VPS50: variants seen among roughly 807,000 people sequenced by gnomAD.
VPS50 encodes VPS50 subunit of EARP/GARPII complex, also known as syndetin.
Under a neutral mutation model 139.7 loss-of-function variants are expected in VPS50, and 70 were observed. That is an observed-to-expected ratio of 0.50 (90% CI 0.41 to 0.61). The LOEUF (loss-of-function observed/expected upper bound fraction) is 0.61. Ranked by LOEUF, VPS50 falls within the 20% of genes least tolerant of loss-of-function variation. VPS50 has a pLI of 0.00. For missense variants in VPS50, 921 were observed against 1,133.7 expected (o/e 0.81, Z 2.69); for synonymous variants, 365 against 376.7 (o/e 0.97, Z 0.36).
intron 20 of VPS50, among the ~76,000 whole-genome samples, chr7:93,318,512 A>G (rs951104317): frequency 2.6e-5 from 4 of 152,164 alleles, no homozygotes; most frequent in Non-Finnish European, 5.9e-5. Flanking sequence ...TGGTGTCTCA[A>G]ATTAGTGTAC....
intron 4 of VPS50, among the ~76,000 whole-genome samples, chr7:93,255,331 T>C (rs1340596712): frequency 2.0e-5 from 3 of 152,172 alleles, no homozygotes; most frequent in African/African-American, 4.8e-5. Context: ...ATTCCTTGCA[T>C]GTGCAGTTCA....
At chr7:93,338,804 C>G (rs1798134658) in intron 22 of VPS50, among the ~76,000 whole-genome samples, 1 of 152,248 alleles carries the variant, frequency 6.6e-6, no homozygotes, top group South Asian at 2.1e-4. Context: ...GTAGAAAAAT[C>G]AATCAGTTAA....
chr7:93,294,810 G>A (rs529788052), intron 14 of VPS50, among the ~76,000 whole-genome samples, 174 bp downstream of exon 14: 1 of 152,226 alleles, frequency 6.6e-6, no homozygotes, highest in African/African-American at 2.4e-5. Context: ...ACTATAAGTG[G>A]CAGGAAAAAA....
chr7:93,357,306 T>C (rs1798734172), intron 27 of VPS50, among the ~76,000 whole-genome samples: 1 of 152,190 alleles, frequency 6.6e-6, no homozygotes, highest in Middle Eastern at 3.2e-3. Flanking sequence ...ACTGATTTTT[T>C]TTTAACTTAG....
intron 12 of VPS50, among the ~76,000 whole-genome samples, chr7:93,277,983 T>C (rs1365495614): frequency 6.6e-6 from 1 of 152,166 alleles, no homozygotes; most frequent in East Asian, 1.9e-4. Flanking sequence ...AGCAATTTTT[T>C]TCTATTAAAG....
intron 12 of VPS50, among the ~76,000 whole-genome samples, chr7:93,290,147 T>C (rs1796608011): frequency 6.6e-6 from 1 of 152,084 alleles, no homozygotes; most frequent in Non-Finnish European, 1.5e-5. Context: ...TTTGCTGAAT[T>C]CTTTTATTGT....
At chr7:93,302,636 G>T (rs528111079) in intron 16 of VPS50, among the ~76,000 whole-genome samples, 1 of 151,394 alleles carries the variant, frequency 6.6e-6, no homozygotes, top group South Asian at 2.1e-4. Flanking sequence ...CTAGTATTTG[G>T]AGCAATTCCT....
At chr7:93,262,320 GAA>G (rs774125233) in intron 9 of VPS50, among the ~76,000 whole-genome samples, 44 of 152,154 alleles carry the variant, frequency 2.9e-4, no homozygotes, top group Admixed American at 1.3e-4. Context: ...GTCTTTGAAA[GAA>G]ATTCTTATTT....
chr7:93,267,627 G>A (rs535577646), intron 9 of VPS50, among the ~76,000 whole-genome samples: 89 of 152,230 alleles, frequency 5.8e-4, no homozygotes, highest in South Asian at 1.5e-3. Flanking sequence ...ACAGGAATTC[G>A]TAAACAGAGT....
At chr7:93,235,625 A>C (rs1369719751) in intron 1 of VPS50, among the ~76,000 whole-genome samples, 1 of 152,146 alleles carries the variant, frequency 6.6e-6, no homozygotes, top group Admixed American at 6.5e-5. Flanking sequence ...AGGGAAAGAG[A>C]AGCATCAAGG....
chr7:93,347,995 A>C (rs7780261), intron 23 of VPS50, among the ~76,000 whole-genome samples: 1 of 150,872 alleles, frequency 6.6e-6, no homozygotes, highest in Non-Finnish European at 1.5e-5. Flanking sequence ...TAAAAAAAAG[A>C]AAAAAAAAAG....
rs1794702635 is a variant in VPS50, at chr7:93,233,512, G to A, written c.33+1012G>A. 2.6e-5 allele frequency among the ~76,000 whole-genome samples: 4 copies of A among 152,164 alleles called. No individual in the cohort carries two copies. In the South Asian group the frequency reaches 8.3e-4, roughly 31 times the overall value. ...TCACAATTTGAGAGATATATAAACA[G>A]GATACAAATTGTGTATTTCTCTTGC... On this transcript the variant is annotated intron_variant, in intron 1 of 27. Transcript: ENST00000305866.
chr7:93,354,463 T>A, intron 26 of VPS50, among the ~76,000 whole-genome samples: 1 of 152,034 alleles, frequency 6.6e-6, no homozygotes, highest in East Asian at 1.9e-4. Flanking sequence ...CCACTAATTT[T>A]TTGTATTTTT....
Position 93,272,633 on chromosome 7 carries a change from AG to A in VPS50, c.703del. On this transcript the variant is annotated splice_acceptor_variant, in intron 10 of 27. Coordinates refer to ENST00000305866, the MANE Select transcript of VPS50 (RefSeq NM_017667.4). LOFTEE classifies it high-confidence loss of function. Reference sequence around the variant, plus strand: ...GTCTTGCTTCTTCTTTTAATTATATAGGAACAGCTGGACGTAGCTCTTTCCA... The same window carrying A: ...GTCTTGCTTCTTCTTTTAATTATATAGAACAGCTGGACGTAGCTCTTTCCA... 2 of 1,375,842 alleles carry A rather than the reference AG, an allele frequency of 1.5e-6. No homozygotes were observed. The highest frequency in any genetic ancestry group is 2.0e-6 in the Non-Finnish European group (2 of 990,616). 85.2% of individuals were successfully genotyped at this position (1,375,842 alleles called of 1,614,324 possible).
chr7:93,243,396 TGG>T (rs1795053189), intron 2 of VPS50, among the ~76,000 whole-genome samples: 1 of 151,882 alleles, frequency 6.6e-6, no homozygotes, highest in Non-Finnish European at 1.5e-5. Context: ...AGAGATTCCC[TGG>T]TAATTCCAGT....
chr7:93,358,752 T>A lies in VPS50; in HGVS notation c.*316T>A, dbSNP rs182276909. On this transcript the variant is annotated 3_prime_UTR_variant, in exon 28 of 28. Coordinates refer to ENST00000305866, the MANE Select transcript of VPS50 (RefSeq NM_017667.4). ...AGTATATAATTAGAAGAACAGTGGC[T>A]TAATATATGTATGGGAAGTTTATGG... 210 of 191,364 alleles carry A rather than the reference T, an allele frequency of 1.1e-3. 3 individuals are homozygous for A. Among genetic ancestry groups the A allele is most frequent in the African/African-American group, 4.8e-3 (205 of 43,072 alleles). 11.9% of individuals were successfully genotyped at this position (191,364 alleles called of 1,614,324 possible). A position where few individuals can be genotyped will look rare whatever the true frequency, so the allele number is the denominator to read the frequency against.
intron 21 of VPS50, among the ~76,000 whole-genome samples, chr7:93,331,495 G>GT (rs917688410): frequency 6.6e-6 from 1 of 151,734 alleles, no homozygotes; most frequent in Non-Finnish European, 1.5e-5. Flanking sequence ...AGAGAAAATA[G>GT]TTTTTTTAGC....
intron 16 of VPS50, among the ~76,000 whole-genome samples, chr7:93,297,481 AT>A (rs762076120): frequency 1.2e-4 from 19 of 152,158 alleles, no homozygotes; most frequent in East Asian, 9.6e-4. Context: ...TATTGAACTG[AT>A]TTTTTAATGA....
chr7:93,335,417 G>T (rs1407797413), intron 22 of VPS50, among the ~76,000 whole-genome samples: 1 of 152,098 alleles, frequency 6.6e-6, no homozygotes, highest in East Asian at 1.9e-4. Context: ...ACATAACATT[G>T]CTTCAGTAAA....
Sources: allele counts gnomAD v4.1 joint callset (sites outside exome capture counted in the v4.1 genomes callset), GRCh38; gene constraint gnomAD v4.1.1; transcripts MANE v1.5; gene names NCBI Gene and HGNC (gene_info 2026-07-23, HGNC 2026-07-21).